Variants in MCF2L2 observed in about 807,000 individuals in gnomAD.
MCF2L2 encodes the protein MCF.2 cell line derived transforming sequence-like 2.
MCF2L2 carries 102 observed loss-of-function variants against 150.2 expected under a neutral mutation model. That is an observed-to-expected ratio of 0.68 (90% CI 0.58 to 0.80). MCF2L2 has a LOEUF of 0.80. Ranked by LOEUF, MCF2L2 falls within the 30% of genes least tolerant of loss-of-function variation. The probability of loss-of-function intolerance (pLI) is 0.00; values close to 1 mark genes in which losing one functional copy is unlikely to be tolerated. For missense variants in MCF2L2, 1,256 were observed against 1,372.8 expected (o/e 0.91, Z 1.34); for synonymous variants, 465 against 491.3 (o/e 0.95, Z 0.71).
intron 7 of MCF2L2, among the ~76,000 whole-genome samples, chr3:183,314,326 G>T (rs1228034193): frequency 6.6e-6 from 1 of 152,154 alleles, no homozygotes; most frequent in Non-Finnish European, 1.5e-5. Flanking sequence ...TTGCTTAGAA[G>T]TTTGATACGA....
chr3:183,359,751 G>A (rs958249384), intron 3 of MCF2L2, among the ~76,000 whole-genome samples: 38 of 152,156 alleles, frequency 2.5e-4, no homozygotes, highest in African/African-American at 8.9e-4. Context: ...GTGCCATATA[G>A]GCTGTTGTCA....
intron 3 of MCF2L2, among the ~76,000 whole-genome samples, chr3:183,353,331 A>G (rs909698721): frequency 1.3e-5 from 2 of 152,192 alleles, no homozygotes; most frequent in Non-Finnish European, 2.9e-5. Context: ...CCGTGCTTTA[A>G]TAATGAAGGA....
At chr3:183,279,251 CT>C (rs35251024) in intron 14 of MCF2L2, among the ~76,000 whole-genome samples, 27 of 147,940 alleles carry the variant, frequency 1.8e-4, no homozygotes, top group East Asian at 4.0e-4. Context: ...TTTTTTATTT[CT>C]TTTTTTTTTG....
chr3:183,232,489 C>T (rs1022692995), intron 15 of MCF2L2, among the ~76,000 whole-genome samples: 10 of 152,100 alleles, frequency 6.6e-5, no homozygotes, highest in Non-Finnish European at 1.5e-4. Flanking sequence ...GGCTACGTGG[C>T]CATATTTATT....
At chr3:183,417,571 T>G (rs1324446955) in intron 1 of MCF2L2, among the ~76,000 whole-genome samples, 1 of 152,252 alleles carries the variant, frequency 6.6e-6, no homozygotes, top group Non-Finnish European at 1.5e-5. Flanking sequence ...CCACCTGGGA[T>G]CACTTGCTTT....
At chr3:183,378,973 T>C (rs1713357226) in intron 3 of MCF2L2, 2 of 201,402 alleles carry the variant, frequency 9.9e-6, no homozygotes, top group Middle Eastern at 1.6e-3. Flanking sequence ...CAAGACTCCA[T>C]CTCAAAAATA....
chr3:183,404,730 G>A (rs1403165197), intron 1 of MCF2L2, among the ~76,000 whole-genome samples: 1 of 152,180 alleles, frequency 6.6e-6, no homozygotes, highest in Non-Finnish European at 1.5e-5. Flanking sequence ...GGGCATGGTG[G>A]TGGGCGCCTG....
intron 1 of MCF2L2, among the ~76,000 whole-genome samples, chr3:183,421,017 A>G (rs895193834): frequency 7.5e-6 from 1 of 132,820 alleles, no homozygotes; most frequent in Non-Finnish European, 1.6e-5. Flanking sequence ...GCTTTCTGTC[A>G]TCTATCATCT....
intron 8 of MCF2L2, 57 bp from the exon 9 acceptor site, chr3:183,311,086 C>T (rs1729354788): frequency 9.6e-7 from 1 of 1,045,914 alleles, no homozygotes; most frequent in Non-Finnish European, 1.5e-6. Flanking sequence ...CACAGGCATC[C>T]ATATAGGCCT....
intron 15 of MCF2L2, among the ~76,000 whole-genome samples, chr3:183,268,368 C>T (rs980719052): frequency 1.3e-5 from 2 of 152,102 alleles, no homozygotes; most frequent in Non-Finnish European, 2.9e-5. Context: ...ACAAAGGTCA[C>T]GCTGACTGTA....
At chr3:183,364,247 G>T (rs975928096) in intron 3 of MCF2L2, among the ~76,000 whole-genome samples, 5 of 152,156 alleles carry the variant, frequency 3.3e-5, no homozygotes, top group Middle Eastern at 3.4e-3. Context: ...CCAGGAGCAG[G>T]GGCTTACGTC....
intron 18 of MCF2L2, chr3:183,226,320 G>C (rs987960807): frequency 1.3e-5 from 2 of 152,242 alleles, no homozygotes; most frequent in African/African-American, 4.8e-5. Context: ...GCACATGCCT[G>C]TAATCCCAGC....
chr3:183,325,491 C>T (rs569438310), intron 5 of MCF2L2, among the ~76,000 whole-genome samples: 2 of 152,192 alleles, frequency 1.3e-5, no homozygotes, highest in African/African-American at 4.8e-5. Context: ...TCTATCTGTG[C>T]CTTTCCCACC....
chr3:183,353,299 A>G lies in MCF2L2; in HGVS notation c.276-11669T>C, dbSNP rs148510132. On this transcript the variant is annotated intron_variant, in intron 3 of 29. Coordinates refer to ENST00000328913, the MANE Select transcript of MCF2L2 (RefSeq NM_015078.4). ...GATACTTCCGCTTTACAGAAGGAAG[A>G]AACATGGTCAATGCCTTAGTTCCGT... is the stretch of plus-strand genomic sequence containing the variant. 7.2e-3 allele frequency among the ~76,000 whole-genome samples: 1,100 copies of G among 152,298 alleles called. 8 individuals are homozygous for G. Among genetic ancestry groups the G allele is most frequent in the African/African-American group, 0.025 (1,026 of 41,556 alleles).
Position 183,392,208 on chromosome 3 carries a change from G to A in MCF2L2, c.77-2429C>T, listed in dbSNP as rs75218428. ...GGGAGCAGACATTAGCGAAGTCAACGATCCCCACGCCATCTCATTTTTCAA... is the reference window on the plus strand; with the variant it reads ...GGGAGCAGACATTAGCGAAGTCAACAATCCCCACGCCATCTCATTTTTCAA... On this transcript the variant is annotated intron_variant, in intron 1 of 29. Coordinates refer to ENST00000328913, the MANE Select transcript of MCF2L2 (RefSeq NM_015078.4). Among the ~76,000 whole-genome samples, 1,114 of 152,302 alleles carry A rather than the reference G, an allele frequency of 7.3e-3. 12 individuals carry two copies. The highest frequency in any genetic ancestry group is 9.8e-3 in the Non-Finnish European group (668 of 68,030).
intron 20 of MCF2L2, among the ~76,000 whole-genome samples, chr3:183,220,896 C>G (rs1051796073): frequency 5.3e-5 from 8 of 152,190 alleles, no homozygotes; most frequent in Admixed American, 5.2e-4. Flanking sequence ...GCATACTGAT[C>G]ATCTGTTACA....
intron 3 of MCF2L2, among the ~76,000 whole-genome samples, chr3:183,349,869 CT>C (rs68102690): frequency 0.17 from 25,183 of 149,918 alleles, 2,481 homozygotes; most frequent in African/African-American, 0.28. Context: ...TTTGCTGCTC[CT>C]TTTTTTTTTC....
chr3:183,199,071 T>C lies in MCF2L2; in HGVS notation c.2885-3816A>G, dbSNP rs530850495. On this transcript the variant is annotated intron_variant, in intron 25 of 29. Coordinates refer to ENST00000328913, the MANE Select transcript of MCF2L2 (RefSeq NM_015078.4). The stretch of plus-strand genomic sequence containing the variant: ...CTACAGTTTAAATCAAGAACTTATG[T>C]TGCTTGGTTTTTGTGACAGAAAACT... 8.0e-4 allele frequency among the ~76,000 whole-genome samples: 122 copies of C among 152,320 alleles called. 1 individual carries two copies. The highest frequency in any genetic ancestry group is 2.7e-3 in the African/African-American group (112 of 41,572).
intron 1 of MCF2L2, among the ~76,000 whole-genome samples, chr3:183,397,874 G>A (rs1484795190): frequency 6.6e-6 from 1 of 152,112 alleles, no homozygotes; most frequent in African/African-American, 2.4e-5. Context: ...CATTAATAGA[G>A]GATTGGTTAA....
Sources: allele counts gnomAD v4.1 joint callset (sites outside exome capture counted in the v4.1 genomes callset), GRCh38; gene constraint gnomAD v4.1.1; transcripts MANE v1.5; gene names NCBI Gene and HGNC (gene_info 2026-07-23, HGNC 2026-07-21).